The following SORBS2 variants were observed in gnomAD, a reference collection of about 807,000 sequenced individuals.
SORBS2 encodes the protein sorbin and SH3 domain containing 2.
In SORBS2, 46 loss-of-function variants were observed where a neutral mutation model predicts 97.7. The ratio of observed to expected loss-of-function variants is 0.47; its 90% CI spans 0.37 to 0.60. The LOEUF (loss-of-function observed/expected upper bound fraction) is 0.60, where lower values mean the gene tolerates loss of function less well. Among genes scored for constraint, SORBS2 ranks in the 20% least tolerant of loss-of-function variants. The pLI is 0.00. For missense variants in SORBS2, 1,316 were observed against 1,282.3 expected (o/e 1.03, Z -0.40); for synonymous variants, 476 against 473.4 (o/e 1.01, Z -0.07).
chr4:185,718,139 G>C (rs2098481429), intron 2 of SORBS2, among the ~76,000 whole-genome samples: 1 of 152,124 alleles, frequency 6.6e-6, no homozygotes, highest in Non-Finnish European at 1.5e-5. Context: ...GCTGAGGCAG[G>C]AGAATCGCTT....
In SORBS2 at chr4:185,900,137, AAAG is replaced by A. The variant is rs796951137; in HGVS notation, c.-338+56056_-338+56058del. Among the ~76,000 whole-genome samples the A allele has an allele frequency of 9.8e-5, 15 of 152,368 alleles. No individual in the cohort carries two copies. The South Asian group carries it at 2.1e-3, about 21-fold the overall frequency. On this transcript the variant is annotated intron_variant, in intron 1 of 20. Transcript: ENST00000284776. ...AGTAAGAACCCATCTCTAAAAATAA[AAAG>A]AAGAAGGGGAAGAAAGGAGAAGATA...
At chr4:185,847,488 T>A (rs777558941) in intron 1 of SORBS2, among the ~76,000 whole-genome samples, 2 of 152,104 alleles carry the variant, frequency 1.3e-5, no homozygotes, top group Non-Finnish European at 2.9e-5. Context: ...TCAGAATCCA[T>A]CCTCGCAGGA....
chr4:185,648,911 C>T (rs950211217), intron 3 of SORBS2, among the ~76,000 whole-genome samples: 13 of 151,980 alleles, frequency 8.6e-5, no homozygotes, highest in African/African-American at 2.9e-4. Context: ...TAGTCATAAT[C>T]CCAGTAAAAA....
intron 1 of SORBS2, among the ~76,000 whole-genome samples, chr4:185,814,768 G>T (rs948945279): frequency 6.6e-6 from 1 of 152,148 alleles, no homozygotes; most frequent in Non-Finnish European, 1.5e-5. Context: ...CCCGTGGCAC[G>T]TCTCCCGGCA....
At chr4:185,659,511 G>A (rs1370626846), upstream of SORBS2, among the ~76,000 whole-genome samples, 1 of 151,922 alleles carries the variant, frequency 6.6e-6, no homozygotes, top group African/African-American at 2.4e-5. Context: ...CCACCTCCTG[G>A]GTTCACGCCG....
rs950618803 is a variant in SORBS2, at chr4:185,668,456, G to A, written c.-45-6214C>T. On this transcript the variant is annotated intron_variant, in intron 4 of 20. Coordinates refer to the SORBS2 transcript ENST00000284776. ...GTGAGTGTAAGGCATGAAATGCCTCGTGGTGAGTCACATCACACTTAAATT... is the reference window on the plus strand; with the variant it reads ...GTGAGTGTAAGGCATGAAATGCCTCATGGTGAGTCACATCACACTTAAATT... Among the ~76,000 whole-genome samples, 9 of 152,304 alleles carry A rather than the reference G, an allele frequency of 5.9e-5. No homozygotes were observed. The South Asian group carries it at 8.3e-4, about 14-fold the overall frequency.
chr4:185,688,911 C>T (rs1349337406), intron 2 of SORBS2, among the ~76,000 whole-genome samples: 1 of 152,026 alleles, frequency 6.6e-6, no homozygotes, highest in South Asian at 2.1e-4. Flanking sequence ...GGAAGTTCAT[C>T]CAAATAAGCA....
intron 2 of SORBS2, among the ~76,000 whole-genome samples, chr4:185,717,126 C>T (rs903099585): frequency 6.6e-6 from 1 of 152,310 alleles, no homozygotes; most frequent in East Asian, 1.9e-4. Context: ...GAGAAGAGCT[C>T]GTGGCTGGCG....
At chr4:185,944,337 A>G (rs2150008541) in intron 1 of SORBS2, among the ~76,000 whole-genome samples, 1 of 152,332 alleles carries the variant, frequency 6.6e-6, no homozygotes, top group Admixed American at 6.5e-5. Context: ...ACTTTCATTG[A>G]CATCAATGTG....
upstream of SORBS2, among the ~76,000 whole-genome samples, chr4:185,659,480 G>C (rs1024089720): frequency 2.6e-5 from 4 of 151,768 alleles, no homozygotes. Context: ...GCAGTGGCGC[G>C]ATCTCGGCTC....
intron 1 of SORBS2, among the ~76,000 whole-genome samples, chr4:185,777,948 A>G: frequency 6.6e-6 from 1 of 152,276 alleles, no homozygotes; most frequent in East Asian, 1.9e-4. Context: ...AAAATAGATT[A>G]ATGTTGTCTC....
chr4:185,923,409 C>A (rs1297803200), intron 1 of SORBS2, among the ~76,000 whole-genome samples: 1 of 151,728 alleles, frequency 6.6e-6, no homozygotes, highest in African/African-American at 2.4e-5. Context: ...CCTCCTGCCT[C>A]AGCCTCCTGA....
intron 2 of SORBS2, among the ~76,000 whole-genome samples, chr4:185,760,555 C>A (rs1162444925): frequency 6.6e-6 from 1 of 151,524 alleles, no homozygotes; most frequent in African/African-American, 2.4e-5. Context: ...AAGAGTGAAA[C>A]TTTGTCTCAA....
chr4:185,725,556 A>G (rs1185010322), intron 2 of SORBS2, among the ~76,000 whole-genome samples: 3 of 152,194 alleles, frequency 2.0e-5, no homozygotes, highest in Non-Finnish European at 4.4e-5. Flanking sequence ...AACCCCAAGT[A>G]ATTAATCAAA....
At chr4:185,611,678 T>C (rs1007881959) in intron 12 of SORBS2, 102 bp downstream of exon 24, 136 of 876,798 alleles carry the variant, frequency 1.6e-4, no homozygotes, top group Non-Finnish European at 2.3e-4. Context: ...TCTCTTTCTC[T>C]GCAATAGATA....
At chr4:185,618,505 T>A (rs2096661787) in intron 9 of SORBS2, 80 bp downstream of exon 21, 1 of 695,834 alleles carries the variant, frequency 1.4e-6, no homozygotes, top group African/African-American at 1.8e-5. Flanking sequence ...TAACAGATCC[T>A]ACTGCAATGC....
At chr4:185,869,923 T>G (rs1032422976) in intron 1 of SORBS2, among the ~76,000 whole-genome samples, 1 of 152,246 alleles carries the variant, frequency 6.6e-6, no homozygotes, top group African/African-American at 2.4e-5. Flanking sequence ...ATTAACATTT[T>G]CTTCAAATAA....
intron 1 of SORBS2, among the ~76,000 whole-genome samples, chr4:185,942,716 C>T (rs1249447656): frequency 1.3e-5 from 2 of 152,180 alleles, no homozygotes; most frequent in South Asian, 4.1e-4. Context: ...CAATTTCCAC[C>T]TTTGCCCCTT....
At chr4:185,930,286 T>TTTTTGTTTTG (rs571706557) in intron 1 of SORBS2, among the ~76,000 whole-genome samples, 4 of 151,894 alleles carry the variant, frequency 2.6e-5, no homozygotes, top group Non-Finnish European at 4.4e-5. Flanking sequence ...GATAGAGGTT[T>TTTTTGTTTTG]TTTTGTTTTG....
Sources: gnomAD v4.1 joint callset for allele counts (sites outside exome capture counted in the v4.1 genomes callset) on GRCh38, gnomAD v4.1.1 for gene constraint, MANE v1.5 for transcripts, NCBI Gene and HGNC (gene_info 2026-07-23, HGNC 2026-07-21) for gene names.